FARP1: variants seen among roughly 807,000 people sequenced by gnomAD.
FARP1 encodes FERM, ARHGEF and pleckstrin domain-containing protein 1.
In FARP1, 52 loss-of-function variants were observed where a neutral mutation model predicts 128.8. The ratio of observed to expected loss-of-function variants is 0.40; its 90% CI spans 0.32 to 0.51. FARP1 has a LOEUF of 0.51. Among genes scored for constraint, FARP1 ranks in the 20% least tolerant of loss-of-function variants. FARP1 has a pLI of 0.45. For missense variants in FARP1, 1,333 were observed against 1,367.9 expected (o/e 0.97, Z 0.40); for synonymous variants, 580 against 551.8 (o/e 1.05, Z -0.72).
chr13:98,143,982 C>T (rs1875298347), intron 1 of FARP1, among the ~76,000 whole-genome samples: 1 of 152,136 alleles, frequency 6.6e-6, no homozygotes, highest in Admixed American at 6.5e-5. Flanking sequence ...GCGAGGGTTC[C>T]CGGCGGGTGA....
At chr13:98,226,863 G>A (rs1235047964) in intron 2 of FARP1, among the ~76,000 whole-genome samples, 1 of 152,054 alleles carries the variant, frequency 6.6e-6, no homozygotes, top group Non-Finnish European at 1.5e-5. Flanking sequence ...ACCATTTCCC[G>A]GTGGATCAGT....
chr13:98,224,464 T>C (rs1404181036), intron 2 of FARP1, among the ~76,000 whole-genome samples: 1 of 144,646 alleles, frequency 6.9e-6, no homozygotes, highest in Non-Finnish European at 1.5e-5. Context: ...GAGGCGGAGC[T>C]TGCAGTGAGC....
chr13:98,190,227 T>C, intron 1 of FARP1, among the ~76,000 whole-genome samples: 1 of 152,218 alleles, frequency 6.6e-6, no homozygotes, highest in East Asian at 1.9e-4. Context: ...TTCTACAAGG[T>C]TTTTTTGCAT....
At chr13:98,441,360 C>T (rs540770492) in intron 24 of FARP1, among the ~76,000 whole-genome samples, 2 of 152,330 alleles carry the variant, frequency 1.3e-5, no homozygotes, top group East Asian at 3.9e-4. Flanking sequence ...TTTATTTCAT[C>T]GTCATTTTAC....
intron 2 of FARP1, among the ~76,000 whole-genome samples, chr13:98,253,973 A>T (rs934677962): frequency 6.6e-6 from 1 of 152,190 alleles, no homozygotes; most frequent in Non-Finnish European, 1.5e-5. Flanking sequence ...TTCATAACAC[A>T]AAGTGGGGCT....
At chr13:98,425,836 T>A (rs1317466389) in intron 17 of FARP1, among the ~76,000 whole-genome samples, 1 of 151,578 alleles carries the variant, frequency 6.6e-6, no homozygotes, top group African/African-American at 2.4e-5. Flanking sequence ...ATCTTCCTTT[T>A]TTTGTTTTCA....
At chr13:98,344,822 C>T (rs1888113180) in intron 3 of FARP1, among the ~76,000 whole-genome samples, 2 of 152,290 alleles carry the variant, frequency 1.3e-5, no homozygotes, top group Admixed American at 1.3e-4. Flanking sequence ...TTCCCACCTC[C>T]AAACACTCTG....
chr13:98,316,990 G>A (rs1345896039), intron 2 of FARP1, among the ~76,000 whole-genome samples: 1 of 152,194 alleles, frequency 6.6e-6, no homozygotes, highest in African/African-American at 2.4e-5. Context: ...ATCACCCCCA[G>A]AATTACAGTT....
At chr13:98,378,794 T>C (rs1889699589) in intron 6 of FARP1, among the ~76,000 whole-genome samples, 1 of 149,462 alleles carries the variant, frequency 6.7e-6, no homozygotes, top group East Asian at 1.9e-4. Flanking sequence ...TATGAGCACT[T>C]ATTAGATAGA....
At chr13:98,330,416 A>G (rs1317782901) in intron 2 of FARP1, among the ~76,000 whole-genome samples, 2 of 152,210 alleles carry the variant, frequency 1.3e-5, no homozygotes, top group African/African-American at 2.4e-5. Flanking sequence ...GATAGTAATC[A>G]TAAGTGACAG....
At chr13:98,223,333 G>A (rs1457278609) in intron 2 of FARP1, among the ~76,000 whole-genome samples, 1 of 152,122 alleles carries the variant, frequency 6.6e-6, no homozygotes, top group African/African-American at 2.4e-5. Flanking sequence ...CTTTTTGTTT[G>A]TTTGTTTGTT....
chr13:98,364,006 C>T (rs949371446), intron 3 of FARP1, among the ~76,000 whole-genome samples: 1 of 152,172 alleles, frequency 6.6e-6, no homozygotes, highest in Non-Finnish European at 1.5e-5. Context: ...TCCCAAAGTG[C>T]TGGGATTAGA....
intron 2 of FARP1, among the ~76,000 whole-genome samples, chr13:98,219,473 C>G (rs1881286633): frequency 6.6e-6 from 1 of 151,390 alleles, no homozygotes; most frequent in South Asian, 2.1e-4. Context: ...GTAGCTGGGA[C>G]TACAGGTGCA....
At chr13:98,213,672 A>C (rs1880875021) in intron 2 of FARP1, among the ~76,000 whole-genome samples, 1 of 152,120 alleles carries the variant, frequency 6.6e-6, no homozygotes, top group South Asian at 2.1e-4. Context: ...CTTTCATTCA[A>C]ATATATATAT....
chr13:98,150,410 A>G (rs148014265), intron 1 of FARP1, among the ~76,000 whole-genome samples: 30 of 152,332 alleles, frequency 2.0e-4, no homozygotes, highest in African/African-American at 7.0e-4. Context: ...AGTAAACTGC[A>G]CATTCTTAAT....
intron 21 of FARP1, 28 bp from the exon 22 acceptor site, chr13:98,439,933 T>C (rs375931835): frequency 3.4e-6 from 5 of 1,485,666 alleles, no homozygotes; most frequent in African/African-American, 2.8e-5. Context: ...ACGTGCCTCA[T>C]GGTGACGTTA....
intron 2 of FARP1, among the ~76,000 whole-genome samples, chr13:98,263,247 A>G (rs887620767): frequency 2.0e-5 from 3 of 152,130 alleles, no homozygotes; most frequent in African/African-American, 7.2e-5. Context: ...ACCTCAGGTT[A>G]TCTGCCCGGC....
intron 2 of FARP1, among the ~76,000 whole-genome samples, chr13:98,216,612 C>G (rs1306781071): frequency 1.3e-5 from 2 of 152,178 alleles, no homozygotes; most frequent in Non-Finnish European, 2.9e-5. Context: ...GCAAAGCAGT[C>G]ATTTAAAATG....
intron 13 of FARP1, 21 bp downstream of exon 13, chr13:98,395,497 A>G (rs757034403): frequency 1.3e-6 from 2 of 1,559,204 alleles, no homozygotes; most frequent in Non-Finnish European, 1.7e-6. Flanking sequence ...CCGGGCTGCC[A>G]GAGGCAGCAG....
Sources: allele counts gnomAD v4.1 joint callset (sites outside exome capture counted in the v4.1 genomes callset), GRCh38; gene constraint gnomAD v4.1.1; transcripts MANE v1.5; gene names NCBI Gene and HGNC (gene_info 2026-07-23, HGNC 2026-07-21).